NEIL3: variants seen among roughly 807,000 people sequenced by gnomAD.
The protein encoded by NEIL3 is endonuclease 8-like 3.
In NEIL3, 48 loss-of-function variants were observed where a neutral mutation model predicts 57.5. That is an observed-to-expected ratio of 0.83 (90% CI 0.66 to 1.06). The LOEUF is 1.06. Among genes scored for constraint, NEIL3 ranks in the 50% least tolerant of loss-of-function variants. The probability of loss-of-function intolerance (pLI) is 0.00; values close to 1 mark genes in which losing one functional copy is unlikely to be tolerated. For missense variants in NEIL3, 717 were observed against 739.1 expected (o/e 0.97, Z 0.35); for synonymous variants, 261 against 253.2 (o/e 1.03, Z -0.29).
At position 177,351,523 on chromosome 4, in the gene NEIL3, A is replaced by C; in HGVS notation, c.1013A>C (p.Asp338Ala). Residue 338 changes from aspartate to alanine, a missense_variant, in exon 7 of 10, where the codon GAT (aspartate) becomes GCT (alanine). Coordinates refer to ENST00000264596, the MANE Select transcript of NEIL3 (RefSeq NM_018248.3). ...AATAAGCCCTCTTCTAAGGCATGTG[A>C]TGCTTGCTTGACCTCAAGGCCTATT... ...LINKPSSKAC[D>A]ACLTSRPIDS... is the part of the protein sequence containing the mutation. 6.2e-7 allele frequency: 1 copy of C among 1,613,508 alleles called. No homozygotes were observed. The highest frequency in any genetic ancestry group is 1.7e-5 in the Admixed American group (1 of 59,844).
In NEIL3 at chr4:177,336,189, A is replaced by T; in HGVS notation, c.495A>T (p.Ala165=). 1 of 1,614,022 alleles carries T rather than the reference A, an allele frequency of 6.2e-7. No homozygotes were observed. The highest frequency in any genetic ancestry group is 8.5e-7 in the Non-Finnish European group (1 of 1,179,868). ...VCSPEFSFLR[A]ESEVKKQKGR... ...CACCTGAATTTAGTTTCTTGAGAGC[A>T]GAAAGTGAAGTTAAAAAACAGAAAG... The change falls in exon 4 of 10, where the codon GCA becomes GCT. Residue 165 remains alanine (A), a synonymous_variant. Transcript: ENST00000264596.
At chr4:177,365,216 C>T (rs534762990), downstream of NEIL3, among the ~76,000 whole-genome samples, 1 of 152,164 alleles carries the variant, frequency 6.6e-6, no homozygotes, top group South Asian at 2.1e-4. Context: ...AGGATGTGTG[C>T]TTTAGGTAAA....
intron 2 of NEIL3, among the ~76,000 whole-genome samples, chr4:177,329,097 T>A (rs10006742): frequency 0.2 from 30,640 of 151,748 alleles, 3,450 homozygotes; most frequent in East Asian, 0.31. Context: ...AGCAACTACT[T>A]AAAAAAATTC....
At chr4:177,312,240 G>T (rs1447782061) in intron 1 of NEIL3, among the ~76,000 whole-genome samples, 2 of 152,130 alleles carry the variant, frequency 1.3e-5, no homozygotes, top group Non-Finnish European at 2.9e-5. Flanking sequence ...ATTTGCCCAA[G>T]ATCACATGTC....
downstream of NEIL3, among the ~76,000 whole-genome samples, chr4:177,366,606 C>T (rs1457651266): frequency 1.3e-5 from 2 of 152,152 alleles, no homozygotes; most frequent in Non-Finnish European, 1.5e-5. Context: ...GTCATGTTGG[C>T]CAGGCTGGTC....
intron 2 of NEIL3, 30 bp downstream of exon 2, chr4:177,322,610 C>A: frequency 6.2e-7 from 1 of 1,613,094 alleles, no homozygotes; most frequent in Non-Finnish European, 8.5e-7. Context: ...TACATCTTAT[C>A]TCTCTATATT....
At chr4:177,353,967 T>C (rs1174883428) in intron 8 of NEIL3, 5 of 418,440 alleles carry the variant, frequency 1.2e-5, no homozygotes, top group Admixed American at 8.5e-5. Context: ...GGTTTCACCA[T>C]GTTGGCCAGG....
Position 177,335,627 on chromosome 4 carries a change from G to C in NEIL3, c.279-61G>C, listed in dbSNP as rs1578995306. On this transcript the variant is annotated intron_variant, in intron 2 of 9. Coordinates refer to ENST00000264596, the MANE Select transcript of NEIL3 (RefSeq NM_018248.3). ...ATCCAAAAAAAAAATGATAGTACAG[G>C]AAAAAAGCTTGATAAATGATATACT... The C allele has an allele frequency of 2.0e-6, 3 of 1,530,906 alleles. No individual in the cohort carries two copies. The East Asian group carries it at 6.8e-5, about 35-fold the overall frequency. 94.8% of individuals were successfully genotyped at this position (1,530,906 alleles called of 1,614,324 possible).
At chr4:177,369,977 T>C in the NEIL3 span, among the ~76,000 whole-genome samples, 1 of 152,150 alleles carries the variant, frequency 6.6e-6, no homozygotes, top group East Asian at 1.9e-4. Flanking sequence ...AGAGAGGAAA[T>C]AACAATGGCG....
intron 2 of NEIL3, among the ~76,000 whole-genome samples, chr4:177,323,409 G>A (rs2111118493): frequency 6.6e-6 from 1 of 152,258 alleles, no homozygotes; most frequent in Admixed American, 6.5e-5. Flanking sequence ...AACCAAAGGT[G>A]AATAATTGTC....
chr4:177,339,843 A>G lies in NEIL3; in HGVS notation c.688A>G (p.Ile230Val), dbSNP rs1456389577. Residue 230 changes from isoleucine (I) to valine (V), a missense_variant, in exon 5 of 10, where the codon ATT (isoleucine) becomes GTT (valine). Transcript: ENST00000264596. ...HLMKMIRDFS[I>V]LFYRCRKAGL... ...CATGAAAATGATACGTGATTTCAGC[A>G]TTCTCTTTTACAGGGTAAGAGCAAA... is the stretch of plus-strand genomic sequence containing the variant. 2 of 1,613,124 alleles carry G rather than the reference A, an allele frequency of 1.2e-6. No individual in the cohort carries two copies.
rs1560923731 is a variant in NEIL3, at chr4:177,360,558, CG to C, written c.1517del (p.Arg506ProfsTer57). 1.2e-6 allele frequency: 2 copies of C among 1,613,874 alleles called. No homozygotes were observed. Among genetic ancestry groups the C allele is most frequent in the Non-Finnish European group, 1.7e-6 (2 of 1,179,934 alleles). On this transcript the variant is annotated frameshift_variant, in exon 9 of 10. Coordinates refer to ENST00000264596, the MANE Select transcript of NEIL3 (RefSeq NM_018248.3). LOFTEE classifies it high-confidence loss of function. Reference protein sequence around the residue: ...GPRTLNPDSPRCSKHNRLCIL... With the variant: ...GPRTLNPDSPXCSKHNRLCIL... ...TCGTACCTTAAATCCTGACAGCCCT[CG>C]CTGCAGTAAACACAACCGCCTCTGC... is the stretch of plus-strand genomic sequence containing the variant.
the NEIL3 span, among the ~76,000 whole-genome samples, chr4:177,369,733 C>T: frequency 1.3e-5 from 2 of 152,146 alleles, no homozygotes; most frequent in Non-Finnish European, 2.9e-5. Context: ...GACCATACGA[C>T]CTCGATCTCA....
At chr4:177,370,975 A>G in the NEIL3 span, among the ~76,000 whole-genome samples, 1 of 152,340 alleles carries the variant, frequency 6.6e-6, no homozygotes, top group Non-Finnish European at 1.5e-5. Flanking sequence ...TAGAAAGGGA[A>G]GGATGAAGAG....
chr4:177,314,505 G>A (rs1219354331), intron 1 of NEIL3, among the ~76,000 whole-genome samples: 2 of 152,088 alleles, frequency 1.3e-5, no homozygotes, highest in African/African-American at 4.8e-5. Flanking sequence ...TAAACATCCT[G>A]GGAATTGTTC....
At chr4:177,325,018 GT>G (rs2111119992) in intron 2 of NEIL3, among the ~76,000 whole-genome samples, 1 of 152,130 alleles carries the variant, frequency 6.6e-6, no homozygotes, top group Non-Finnish European at 1.5e-5. Flanking sequence ...ACCATTTTCT[GT>G]TTCCAGTTTG....
chr4:177,343,709 T>A (rs980798671), intron 6 of NEIL3: 11 of 152,172 alleles, frequency 7.2e-5, no homozygotes, highest in Admixed American at 3.9e-4. Context: ...CGTGTTACTA[T>A]CATAGACATC....
downstream of NEIL3, among the ~76,000 whole-genome samples, chr4:177,366,437 C>T (rs554661433): frequency 2.6e-5 from 4 of 152,316 alleles, no homozygotes; most frequent in Admixed American, 6.5e-5. Flanking sequence ...TCGCTCTTGT[C>T]GCCCAGGCTG....
At chr4:177,348,858 AT>A (rs749391559) in intron 6 of NEIL3, among the ~76,000 whole-genome samples, 1,489 of 73,556 alleles carry the variant, frequency 0.02, 17 homozygotes, top group African/African-American at 0.079. Context: ...TGGCTCATGA[AT>A]TTTTTTTTTT....
Sources: allele counts gnomAD v4.1 joint callset (sites outside exome capture counted in the v4.1 genomes callset), GRCh38; gene constraint gnomAD v4.1.1; transcripts MANE v1.5; gene names NCBI Gene and HGNC (gene_info 2026-07-23, HGNC 2026-07-21).